Variants in PLEKHA5 observed in about 807,000 individuals in gnomAD.
The protein encoded by PLEKHA5 is pleckstrin homology domain-containing family A member 5.
In PLEKHA5, 55 loss-of-function variants were observed where a neutral mutation model predicts 181.9. The ratio of observed to expected loss-of-function variants is 0.30; its 90% CI spans 0.24 to 0.38. The LOEUF is 0.38. Among genes scored for constraint, PLEKHA5 ranks in the 10% least tolerant of loss-of-function variants. PLEKHA5 has a pLI of 1.00. For synonymous variants in PLEKHA5, 535 were observed against 529.4 expected (o/e 1.01, Z -0.15); for missense variants, 1,432 against 1,549.5 (o/e 0.92, Z 1.27).
chr12:19,190,770 A>G (rs992942668), intron 3 of PLEKHA5, among the ~76,000 whole-genome samples: 3 of 152,184 alleles, frequency 2.0e-5, no homozygotes, highest in African/African-American at 7.2e-5. Context: ...GTCCCAAAGG[A>G]GAAGAGACTT....
Position 19,168,707 on chromosome 12 carries a change from G to T in PLEKHA5, c.227+36257G>T, listed in dbSNP as rs548728730. Among the ~76,000 whole-genome samples, 4 of 152,132 alleles carry T rather than the reference G, an allele frequency of 2.6e-5. No individual in the cohort carries two copies. In the South Asian group the frequency reaches 8.3e-4, roughly 32 times the overall value. ...ACAAATAATAACAGCAATAAGAAAGGGCTCTTCAAATGAGTGTAATAATAA... is the reference window on the plus strand; with the variant it reads ...ACAAATAATAACAGCAATAAGAAAGTGCTCTTCAAATGAGTGTAATAATAA... On this transcript the variant is annotated intron_variant, in intron 3 of 31. Coordinates refer to ENST00000429027, the MANE Select transcript of PLEKHA5 (RefSeq NM_001256470.2).
intron 3 of PLEKHA5, among the ~76,000 whole-genome samples, chr12:19,141,170 TC>T (rs373981325): frequency 0.014 from 2,095 of 151,344 alleles, 158 homozygotes; most frequent in Admixed American, 0.13. Context: ...TTTCCACCCC[TC>T]CCCCCCAACA....
chr12:19,166,597 G>T (rs2044453766), intron 3 of PLEKHA5, among the ~76,000 whole-genome samples: 1 of 152,164 alleles, frequency 6.6e-6, no homozygotes, highest in African/African-American at 2.4e-5. Flanking sequence ...CCTATGCAAA[G>T]ATCAGTGGCT....
intron 1 of PLEKHA5, 73 bp downstream of exon 1, chr12:19,129,961 GAGAGCCCGGGT>G (rs2032893789): frequency 2.0e-6 from 3 of 1,470,652 alleles, no homozygotes; most frequent in Non-Finnish European, 2.8e-6. Flanking sequence ...CGACACGGGG[GAGAGCCCGGGT>G]CTGTGCTCCT....
chr12:19,327,259 T>TG (rs1232285193), intron 20 of PLEKHA5, among the ~76,000 whole-genome samples: 11 of 151,244 alleles, frequency 7.3e-5, no homozygotes, highest in Non-Finnish European at 1.5e-4. Context: ...TTTTTTTTTT[T>TG]TTTTTACTTT....
At chr12:19,227,340 C>G (rs1462183931) in intron 3 of PLEKHA5, among the ~76,000 whole-genome samples, 1 of 151,472 alleles carries the variant, frequency 6.6e-6, no homozygotes, top group Non-Finnish European at 1.5e-5. Context: ...TTCCTCAGCC[C>G]CAGGGGCTAA....
chr12:19,163,008 C>T (rs1309043555), intron 3 of PLEKHA5, among the ~76,000 whole-genome samples: 2 of 152,030 alleles, frequency 1.3e-5, no homozygotes, highest in Non-Finnish European at 2.9e-5. Flanking sequence ...TGTTAAGAAA[C>T]ATTGCTGGCT....
At chr12:19,335,451 T>C (rs944401145) in intron 20 of PLEKHA5, among the ~76,000 whole-genome samples, 3 of 151,544 alleles carry the variant, frequency 2.0e-5, no homozygotes, top group Non-Finnish European at 4.4e-5. Context: ...AGTCTCGCAC[T>C]GTCACCCAGG....
chr12:19,361,789 G>A, intron 29 of PLEKHA5, 83 bp downstream of exon 29: 1 of 1,211,304 alleles, frequency 8.3e-7, no homozygotes, highest in Non-Finnish European at 1.2e-6. Context: ...CAAAAGTACT[G>A]GATTTCAGCC....
Position 19,334,830 on chromosome 12 carries a change from ATATATATATATATATATATAT to A in PLEKHA5, c.2449-1684_2449-1664del, listed in dbSNP as rs1565630023. Reference sequence around the variant, plus strand: ...AATCCTGTCTTCACAAAAAAAAAAAATATATATATATATATATATATATATATATATATATATATCTCTGTA... The same window carrying A: ...AATCCTGTCTTCACAAAAAAAAAAAAATATATATATATATATATCTCTGTA... On this transcript the variant is annotated intron_variant, in intron 20 of 31. Transcript: ENST00000429027. 5.4e-5 allele frequency among the ~76,000 whole-genome samples: 2 copies of A among 36,992 alleles called. 1 individual carries two copies. Among genetic ancestry groups the A allele is most frequent in the South Asian group, 1.8e-3 (2 of 1,086 alleles). 24.3% of individuals were successfully genotyped at this position (36,992 alleles called of 152,430 possible). A position where few individuals can be genotyped will look rare whatever the true frequency, so the allele number is the denominator to read the frequency against.
intron 16 of PLEKHA5, among the ~76,000 whole-genome samples, chr12:19,318,755 T>G (rs919538448): frequency 2.0e-5 from 3 of 152,116 alleles, no homozygotes; most frequent in Non-Finnish European, 4.4e-5. Flanking sequence ...AAACCCCGTC[T>G]CTATTAAAAA....
In PLEKHA5 at chr12:19,354,512, G is replaced by A. The variant is rs188499243; in HGVS notation, c.3138+510G>A. ...TTTTTTTTTTTTGAGATGGAGTCTCGCTCTCTCGCCTGGGCTGGAGTGCAG... is the reference window on the plus strand; with the variant it reads ...TTTTTTTTTTTTGAGATGGAGTCTCACTCTCTCGCCTGGGCTGGAGTGCAG... On this transcript the variant is annotated intron_variant, in intron 26 of 31. Transcript: ENST00000429027. 6.4e-3 allele frequency among the ~76,000 whole-genome samples: 891 copies of A among 138,832 alleles called. 9 individuals carry two copies. The highest frequency in any genetic ancestry group is 0.023 in the African/African-American group (860 of 36,736). The allele number at this position is 138,832 out of a possible 152,430, so 91.1% of individuals were successfully genotyped here. A position where few individuals can be genotyped will look rare whatever the true frequency, so the allele number is the denominator to read the frequency against.
At position 19,193,940 on chromosome 12, in the gene PLEKHA5, C is replaced by T. The variant is rs192732181; in HGVS notation, c.228-60000C>T. 3.3e-5 allele frequency among the ~76,000 whole-genome samples: 5 copies of T among 152,068 alleles called. No homozygotes were observed. The East Asian group carries it at 9.7e-4, about 30-fold the overall frequency. ...AGAAAGAATGGTAGGGAGAGAGGTGCCTCACACTTTTAACAACCAGATCTC... is the reference window on the plus strand; with the variant it reads ...AGAAAGAATGGTAGGGAGAGAGGTGTCTCACACTTTTAACAACCAGATCTC... On this transcript the variant is annotated intron_variant, in intron 3 of 31. Transcript: ENST00000429027.
chr12:19,185,841 A>G (rs1313358812), intron 3 of PLEKHA5, among the ~76,000 whole-genome samples: 1 of 152,230 alleles, frequency 6.6e-6, no homozygotes, highest in Non-Finnish European at 1.5e-5. Flanking sequence ...CTAATTAATA[A>G]CACACACATA....
At chr12:19,157,579 A>G (rs1008808546) in intron 3 of PLEKHA5, among the ~76,000 whole-genome samples, 1 of 152,084 alleles carries the variant, frequency 6.6e-6, no homozygotes, top group Non-Finnish European at 1.5e-5. Flanking sequence ...TTTATGGAAC[A>G]CTTAACTATA....
rs1233970741 is a variant in PLEKHA5 at position 19,375,806 on chromosome 12, A to G, written c.*287A>G. 1.3e-5 allele frequency: 2 copies of G among 152,580 alleles called. No individual in the cohort carries two copies. Among genetic ancestry groups the G allele is most frequent in the Non-Finnish European group, 2.9e-5 (2 of 68,038 alleles). The allele number at this position is 152,580 out of a possible 1,614,324, so 9.5% of individuals were successfully genotyped here. On this transcript the variant is annotated 3_prime_UTR_variant, in exon 32 of 32. Transcript: ENST00000429027. ...AAAGGTGCTTTTTAATGTGCAGTCT[A>G]TTTCCAGAGCTTACTTAGTTGCTGA...
At chr12:19,202,802 G>T (rs1303504148) in intron 3 of PLEKHA5, among the ~76,000 whole-genome samples, 4 of 152,004 alleles carry the variant, frequency 2.6e-5, no homozygotes, top group Non-Finnish European at 5.9e-5. Flanking sequence ...AGGCAGATAC[G>T]TTTAAGTCAT....
intron 16 of PLEKHA5, among the ~76,000 whole-genome samples, chr12:19,318,792 G>A (rs1315150764): frequency 1.3e-5 from 2 of 152,036 alleles, no homozygotes; most frequent in Non-Finnish European, 2.9e-5. Flanking sequence ...GCATGATGGT[G>A]CACGTATAAT....
chr12:19,332,615 C>T (rs1430082), intron 20 of PLEKHA5, among the ~76,000 whole-genome samples: 2 of 152,188 alleles, frequency 1.3e-5, no homozygotes, highest in African/African-American at 4.8e-5. Context: ...GCCCAGTCTC[C>T]TGAGTAGCTA....
Sources: allele counts gnomAD v4.1 joint callset (sites outside exome capture counted in the v4.1 genomes callset), GRCh38; gene constraint gnomAD v4.1.1; transcripts MANE v1.5; gene names NCBI Gene and HGNC (gene_info 2026-07-23, HGNC 2026-07-21).